The following RBPMS variants were observed in gnomAD, a reference collection of about 807,000 sequenced individuals.
RBPMS encodes RNA-binding protein with multiple splicing.
In RBPMS, 7 loss-of-function variants were observed where a neutral mutation model predicts 26.8. The observed-to-expected ratio is 0.26, with a 90% CI of 0.15 to 0.49. The LOEUF (loss-of-function observed/expected upper bound fraction) is 0.49. RBPMS is among the 20% of genes least tolerant of loss of function. The pLI, the probability that RBPMS is intolerant of heterozygous loss-of-function variation, is 0.98. For missense variants in RBPMS, 186 were observed against 250.0 expected (o/e 0.74, Z 1.73); for synonymous variants, 96 against 93.3 (o/e 1.03, Z -0.17).
In RBPMS at chr8:30,557,783, G is replaced by A. The variant is rs999688037; in HGVS notation, c.529-1104G>A. On this transcript the variant is annotated intron_variant, in intron 6 of 8. Transcript: ENST00000397323. Reference sequence around the variant, plus strand: ...GTGAAAGGAAGAGCAGTGGGAGGCGGGCATCTCTTGCCTGTGTCCAAAAAC... The same window carrying A: ...GTGAAAGGAAGAGCAGTGGGAGGCGAGCATCTCTTGCCTGTGTCCAAAAAC... Among the ~76,000 whole-genome samples the A allele has an allele frequency of 2.0e-5, 3 of 152,230 alleles. No homozygotes were observed. In the East Asian group the frequency reaches 5.8e-4, roughly 29 times the overall value.
At chr8:30,464,917 G>T (rs1816333362) in intron 1 of RBPMS, among the ~76,000 whole-genome samples, 6 of 152,140 alleles carry the variant, frequency 3.9e-5, no homozygotes, top group Admixed American at 3.9e-4. Flanking sequence ...ACACCTTAGG[G>T]CATTAGAATG....
chr8:30,545,125 T>C, intron 6 of RBPMS: 1 of 1,325,396 alleles, frequency 7.5e-7, no homozygotes, highest in Admixed American at 2.3e-5. Flanking sequence ...CTTAAATATG[T>C]TACAGGAAAG....
intron 8 of RBPMS, among the ~76,000 whole-genome samples, chr8:30,566,568 C>T (rs987537934): frequency 2.6e-5 from 4 of 152,220 alleles, no homozygotes; most frequent in South Asian, 4.1e-4. Flanking sequence ...TTTTAAAGCC[C>T]ATCACCCCAG....
In RBPMS at chr8:30,544,318, C is replaced by T. The variant is rs988983940; in HGVS notation, c.398-176C>T. 9.8e-5 allele frequency among the ~76,000 whole-genome samples: 15 copies of T among 152,310 alleles called. No individual in the cohort carries two copies. The South Asian group carries it at 2.3e-3, about 23-fold the overall frequency. On this transcript the variant is annotated intron_variant, in intron 5 of 8. Transcript: ENST00000397323. ...GTTGCTTTTCTTGTGTTATATTTTT[C>T]GTTCCCTTACTTAGCATTTGTGGGA...
intron 6 of RBPMS, among the ~76,000 whole-genome samples, chr8:30,549,050 A>G (rs1019521049): frequency 1.3e-5 from 2 of 152,138 alleles, no homozygotes; most frequent in Non-Finnish European, 2.9e-5. Flanking sequence ...CTCCAGGCGC[A>G]TGGGAGGCTC....
chr8:30,437,266 A>C (rs1028346325), intron 1 of RBPMS, among the ~76,000 whole-genome samples: 8 of 152,090 alleles, frequency 5.3e-5, no homozygotes, highest in African/African-American at 1.2e-4. Flanking sequence ...TTATAAGTCA[A>C]AATGTTAAAA....
chr8:30,524,885 TTA>T lies in RBPMS; in HGVS notation c.398-19607_398-19606del, dbSNP rs1224264296. 2.0e-5 allele frequency among the ~76,000 whole-genome samples: 3 copies of T among 152,156 alleles called. No individual in the cohort carries two copies. In the East Asian group the frequency reaches 5.8e-4, roughly 29 times the overall value. On this transcript the variant is annotated intron_variant, in intron 5 of 8. Transcript: ENST00000397323. Reference sequence around the variant, plus strand: ...CTTTTTCGTAGCCCTTTAAAGACCATTATTAGTACTATTTATAAAAAGTACCA... The same window carrying T: ...CTTTTTCGTAGCCCTTTAAAGACCATTTAGTACTATTTATAAAAAGTACCA...
At chr8:30,536,713 T>A (rs1824842196) in intron 5 of RBPMS, among the ~76,000 whole-genome samples, 1 of 152,194 alleles carries the variant, frequency 6.6e-6, no homozygotes, top group Admixed American at 6.5e-5. Context: ...CCTGAAACAC[T>A]TTTTTTATGT....
At chr8:30,422,363 C>T (rs891966144) in intron 1 of RBPMS, among the ~76,000 whole-genome samples, 4 of 152,118 alleles carry the variant, frequency 2.6e-5, no homozygotes, top group African/African-American at 9.7e-5. Flanking sequence ...ATCCACCCAC[C>T]TCAGCCTTTC....
intron 4 of RBPMS, among the ~76,000 whole-genome samples, chr8:30,502,139 C>A (rs1009980259): frequency 7.6e-6 from 1 of 132,090 alleles, no homozygotes; most frequent in African/African-American, 2.9e-5. Context: ...AACTTCTGAG[C>A]TTTTTTTTTT....
intron 1 of RBPMS, chr8:30,447,021 A>G (rs2150731662): frequency 6.6e-6 from 1 of 152,080 alleles, no homozygotes; most frequent in African/African-American, 2.4e-5. Context: ...GCAGGAAAAA[A>G]GCTCTTATTT....
chr8:30,465,237 C>T (rs1181486589), intron 1 of RBPMS, among the ~76,000 whole-genome samples: 1 of 152,174 alleles, frequency 6.6e-6, no homozygotes, highest in Admixed American at 6.6e-5. Context: ...CTCATGTATA[C>T]ACACATATAT....
chr8:30,544,178 G>A (rs1481101279), intron 5 of RBPMS, among the ~76,000 whole-genome samples: 2 of 152,126 alleles, frequency 1.3e-5, no homozygotes, highest in Non-Finnish European at 2.9e-5. Context: ...TTCCTGTTTT[G>A]TGCAGGAAAT....
intron 5 of RBPMS, among the ~76,000 whole-genome samples, chr8:30,540,939 C>A (rs1383182165): frequency 2.6e-5 from 4 of 152,178 alleles, no homozygotes; most frequent in African/African-American, 9.7e-5. Flanking sequence ...TAGCATCTTG[C>A]TGAAATCTGG....
chr8:30,533,734 T>C (rs1180376939), intron 5 of RBPMS, among the ~76,000 whole-genome samples: 7 of 152,178 alleles, frequency 4.6e-5, no homozygotes, highest in Non-Finnish European at 1.0e-4. Context: ...ACAGATCCTG[T>C]GGAATTTCTT....
intron 7 of RBPMS, chr8:30,564,965 G>C (rs570720915): frequency 6.6e-6 from 1 of 151,984 alleles, no homozygotes; most frequent in East Asian, 1.9e-4. Flanking sequence ...CTGATTAGCT[G>C]AAGCCCAGAG....
chr8:30,497,332 CAGG>C lies in RBPMS; in HGVS notation c.247-6951_247-6949del, dbSNP rs545639605. Among the ~76,000 whole-genome samples, 9 of 152,150 alleles carry C rather than the reference CAGG, an allele frequency of 5.9e-5. No individual in the cohort carries two copies. In the South Asian group the frequency reaches 1.9e-3, roughly 32 times the overall value. ...CTGAGGCAGGCAGATCACTTGAGGTCAGGAGTTCAAGACCAGCCTGACAAACAT... is the reference window on the plus strand; with the variant it reads ...CTGAGGCAGGCAGATCACTTGAGGTCAGTTCAAGACCAGCCTGACAAACAT... On this transcript the variant is annotated intron_variant, in intron 4 of 8. Coordinates refer to ENST00000397323, the MANE Select transcript of RBPMS (RefSeq NM_001008710.3).
intron 6 of RBPMS, chr8:30,552,663 C>T (rs1373598661): frequency 6.6e-6 from 1 of 152,222 alleles, no homozygotes; most frequent in African/African-American, 2.4e-5. Flanking sequence ...GTGTTACATG[C>T]TTGGGTGCTT....
At chr8:30,476,228 T>C (rs1413389545) in intron 2 of RBPMS, among the ~76,000 whole-genome samples, 1 of 152,190 alleles carries the variant, frequency 6.6e-6, no homozygotes, top group African/African-American at 2.4e-5. Context: ...TAAATTGTGC[T>C]CAAGTTTACA....
Sources: gnomAD v4.1 joint callset for allele counts (sites outside exome capture counted in the v4.1 genomes callset) on GRCh38, gnomAD v4.1.1 for gene constraint, MANE v1.5 for transcripts, NCBI Gene and HGNC (gene_info 2026-07-23, HGNC 2026-07-21) for gene names.